The following RUBCN variants were observed in gnomAD, a reference collection of about 807,000 sequenced individuals.
RUBCN encodes the protein run domain Beclin-1-interacting and cysteine-rich domain-containing protein.
Under a neutral mutation model 113.2 loss-of-function variants are expected in RUBCN, and 74 were observed. That is an observed-to-expected ratio of 0.65 (90% CI 0.54 to 0.79). The LOEUF is 0.79. Among genes scored for constraint, RUBCN ranks in the 30% least tolerant of loss-of-function variants. The pLI is 0.00. For missense variants in RUBCN, 1,109 were observed against 1,251.7 expected (o/e 0.89, Z 1.72); for synonymous variants, 480 against 490.0 (o/e 0.98, Z 0.27).
chr3:197,704,442 A>T, intron 4 of RUBCN, 100 bp downstream of exon 4: 1 of 1,214,198 alleles, frequency 8.2e-7, no homozygotes, highest in South Asian at 1.2e-5. Flanking sequence ...CTCAAAGAAA[A>T]AAAGAAAAAT....
At chr3:197,698,567 GA>G (rs141586313) in intron 7 of RUBCN, among the ~76,000 whole-genome samples, 1 of 149,406 alleles carries the variant, frequency 6.7e-6, no homozygotes, top group Non-Finnish European at 1.5e-5. Flanking sequence ...GCAGGAGAGG[GA>G]AAAAAAACAA....
chr3:197,708,405 G>A (rs774981094), intron 2 of RUBCN, among the ~76,000 whole-genome samples: 1 of 151,914 alleles, frequency 6.6e-6, no homozygotes, highest in Non-Finnish European at 1.5e-5. Context: ...CAAGGTGCTG[G>A]GATTACAGGC....
chr3:197,691,149 C>G lies in RUBCN; in HGVS notation c.1786+2566G>C. 8 of 1,277,378 alleles carry G rather than the reference C, an allele frequency of 6.3e-6. No individual in the cohort carries two copies. The Middle Eastern group carries it at 6.4e-4, about 102-fold the overall frequency. 79.1% of individuals were successfully genotyped at this position (1,277,378 alleles called of 1,614,324 possible). A position where few individuals can be genotyped will look rare whatever the true frequency, so the allele number is the denominator to read the frequency against. ...GTCAGGTTAGATCCTTCGCTACCATCTGTGTAATAATGATGATAAAAGGGG... is the reference window on the plus strand; with the variant it reads ...GTCAGGTTAGATCCTTCGCTACCATGTGTGTAATAATGATGATAAAAGGGG... On this transcript the variant is annotated intron_variant, in intron 11 of 19. Coordinates refer to ENST00000296343, the MANE Select transcript of RUBCN (RefSeq NM_014687.4).
At chr3:197,723,640 T>C (rs1226575905) in intron 1 of RUBCN, among the ~76,000 whole-genome samples, 1 of 152,230 alleles carries the variant, frequency 6.6e-6, no homozygotes, top group Non-Finnish European at 1.5e-5. Context: ...CCTATCTCTT[T>C]AGTGTCTTCA....
At chr3:197,719,869 T>C (rs1425346217) in intron 1 of RUBCN, among the ~76,000 whole-genome samples, 1 of 152,260 alleles carries the variant, frequency 6.6e-6, no homozygotes, top group Admixed American at 6.5e-5. Context: ...ATATTGTGCA[T>C]TGATCGCAAC....
intron 7 of RUBCN, among the ~76,000 whole-genome samples, chr3:197,700,207 G>A (rs1723487176): frequency 6.6e-6 from 1 of 152,120 alleles, no homozygotes. Flanking sequence ...GTATCTCTCT[G>A]CCTCTCTCAC....
intron 4 of RUBCN, 116 bp from the exon 5 acceptor site, chr3:197,703,770 A>C: frequency 1.4e-6 from 1 of 720,396 alleles, no homozygotes; most frequent in South Asian, 1.5e-5. Flanking sequence ...AAGGCAGATC[A>C]GAAACAAAGT....
At chr3:197,694,680 T>C (rs1722813050) in intron 9 of RUBCN, 95 bp from the exon 10 acceptor site, 1 of 1,110,210 alleles carries the variant, frequency 9.0e-7, no homozygotes, top group Admixed American at 1.9e-5. Flanking sequence ...AGATAGGAAC[T>C]GTTCCTGCCA....
rs1719893178 is a variant in RUBCN, at chr3:197,672,555, G to A, written c.*2463C>T. 1 of 152,292 alleles carries A rather than the reference G, an allele frequency of 6.6e-6. No individual in the cohort carries two copies. The highest frequency in any genetic ancestry group is 2.1e-4 in the South Asian group (1 of 4,834). The allele number at this position is 152,292 out of a possible 1,614,324, so 9.4% of individuals were successfully genotyped here. A position where few individuals can be genotyped will look rare whatever the true frequency, so the allele number is the denominator to read the frequency against. On this transcript the variant is annotated 3_prime_UTR_variant, in exon 20 of 20. Coordinates refer to ENST00000296343, the MANE Select transcript of RUBCN (RefSeq NM_014687.4). ...CTAGGGAAAAATAAGTGACAAGTGAGGAGCCTATGAGACTGTTGAGTTCGG... is the reference window on the plus strand; with the variant it reads ...CTAGGGAAAAATAAGTGACAAGTGAAGAGCCTATGAGACTGTTGAGTTCGG...
chr3:197,713,260 C>A (rs186065208), intron 2 of RUBCN, among the ~76,000 whole-genome samples: 1 of 152,190 alleles, frequency 6.6e-6, no homozygotes, highest in African/African-American at 2.4e-5. Context: ...ACTTCCATTT[C>A]TCTTTCAGGC....
At chr3:197,686,584 C>T (rs529387702) in intron 11 of RUBCN, among the ~76,000 whole-genome samples, 172 of 152,270 alleles carry the variant, frequency 1.1e-3, no homozygotes, top group Admixed American at 3.1e-3. Context: ...TAAGTTGACA[C>T]GGGTGAAACC....
intron 1 of RUBCN, among the ~76,000 whole-genome samples, chr3:197,725,563 T>C (rs1376814343): frequency 7.6e-6 from 1 of 131,676 alleles, no homozygotes; most frequent in Non-Finnish European, 1.6e-5. Context: ...AGAGTCTTAC[T>C]ATGTTGCTGA....
At chr3:197,710,578 T>C (rs1211767509) in intron 2 of RUBCN, among the ~76,000 whole-genome samples, 2 of 142,252 alleles carry the variant, frequency 1.4e-5, no homozygotes, top group African/African-American at 2.6e-5. Flanking sequence ...CCAGCCTGGG[T>C]AACGAGTGAA....
Position 197,683,455 on chromosome 3 carries a change from T to G in RUBCN, c.1848-16A>C. On this transcript the variant is annotated splice_polypyrimidine_tract_variant and intron_variant, in intron 12 of 19. Coordinates refer to ENST00000296343, the MANE Select transcript of RUBCN (RefSeq NM_014687.4). This position sits in a 1 kb window ranked among gnomAD's most constrained non-coding sequence, Gnocchi z 4.6. ...GCAGTGGGAGCTGGAAAGGGGAGAA[T>G]CAAGGACGGCTGAACACAGGGAAAG... 1 of 1,613,440 alleles carries G rather than the reference T, an allele frequency of 6.2e-7. No homozygotes were observed. The highest frequency in any genetic ancestry group is 8.5e-7 in the Non-Finnish European group (1 of 1,179,906).
intron 1 of RUBCN, among the ~76,000 whole-genome samples, chr3:197,729,831 T>C (rs1727215889): frequency 2.0e-5 from 3 of 152,248 alleles, no homozygotes; most frequent in South Asian, 2.1e-4. Context: ...AGTGCTGGGA[T>C]GACAGGCATG....
intron 1 of RUBCN, among the ~76,000 whole-genome samples, chr3:197,743,184 A>T (rs1184610968): frequency 1.3e-5 from 2 of 152,198 alleles, no homozygotes; most frequent in Non-Finnish European, 2.9e-5. Context: ...GGCAGCAGCT[A>T]TGCCTGCAAC....
At chr3:197,719,824 T>C (rs762019967) in intron 1 of RUBCN, among the ~76,000 whole-genome samples, 5 of 152,248 alleles carry the variant, frequency 3.3e-5, no homozygotes, top group Non-Finnish European at 7.3e-5. Context: ...TTTTGATTGA[T>C]ACATAATTGT....
chr3:197,697,186 G>A (rs541562796), intron 7 of RUBCN, 137 bp from the exon 8 acceptor site: 4 of 671,976 alleles, frequency 6.0e-6, no homozygotes, highest in Non-Finnish European at 1.1e-5. Context: ...CACACCAACG[G>A]AACAGCCCAA....
intron 1 of RUBCN, among the ~76,000 whole-genome samples, chr3:197,743,910 G>T (rs142435670): frequency 0.019 from 2,856 of 152,160 alleles, 40 homozygotes; most frequent in Non-Finnish European, 0.029. Flanking sequence ...CTTGAACCCG[G>T]GAGGCGGAGG....
Sources: allele counts gnomAD v4.1 joint callset (sites outside exome capture counted in the v4.1 genomes callset), GRCh38; gene constraint gnomAD v4.1.1; non-coding constraint Gnocchi (gnomAD v3.1); transcripts MANE v1.5; gene names NCBI Gene and HGNC (gene_info 2026-07-23, HGNC 2026-07-21).